TMEM178B: variants seen among roughly 807,000 people sequenced by gnomAD.
The protein encoded by TMEM178B is transmembrane protein 178B.
Under a neutral mutation model 31.0 loss-of-function variants are expected in TMEM178B, and 5 were observed. That is an observed-to-expected ratio of 0.16 (90% CI 0.08 to 0.34). The LOEUF (loss-of-function observed/expected upper bound fraction) is 0.34, where lower values mean the gene tolerates loss of function less well. Among genes scored for constraint, TMEM178B ranks in the 10% least tolerant of loss-of-function variants. TMEM178B has a pLI of 1.00. For missense variants in TMEM178B, 275 were observed against 400.3 expected (o/e 0.69, Z 2.67); for synonymous variants, 164 against 164.0 (o/e 1.00, Z 0.00).
At chr7:141,457,219 A>C (rs1801981138) in intron 3 of TMEM178B, among the ~76,000 whole-genome samples, 1 of 152,212 alleles carries the variant, frequency 6.6e-6, no homozygotes, top group Non-Finnish European at 1.5e-5. Context: ...TCTGCAGCCA[A>C]ATAATTTGAG....
chr7:141,359,667 T>G (rs760830578), intron 2 of TMEM178B, among the ~76,000 whole-genome samples: 1 of 152,180 alleles, frequency 6.6e-6, no homozygotes, highest in Non-Finnish European at 1.5e-5. Context: ...CAGTCCAGAA[T>G]TGGGGGCTGT....
intron 2 of TMEM178B, among the ~76,000 whole-genome samples, chr7:141,304,461 C>G (rs1183827099): frequency 6.6e-6 from 1 of 152,152 alleles, no homozygotes; most frequent in African/African-American, 2.4e-5. Flanking sequence ...GCAGACCTTC[C>G]CCAGGCAAGG....
intron 2 of TMEM178B, among the ~76,000 whole-genome samples, chr7:141,309,289 TA>T (rs1391354499): frequency 3.9e-5 from 6 of 152,218 alleles, no homozygotes; most frequent in Non-Finnish European, 8.8e-5. Flanking sequence ...AATTGCTTTA[TA>T]TATTGTCTCG....
chr7:141,292,634 C>CTTTTTTTTTTT (rs34248650), intron 2 of TMEM178B, among the ~76,000 whole-genome samples: 4 of 106,130 alleles, frequency 3.8e-5, no homozygotes, highest in Admixed American at 1.1e-4. Context: ...GCTTTTAGAT[C>CTTTTTTTTTTT]TTTTTTTTTT....
At chr7:141,097,671 T>C (rs1255776073) in intron 1 of TMEM178B, among the ~76,000 whole-genome samples, 1 of 152,080 alleles carries the variant, frequency 6.6e-6, no homozygotes, top group East Asian at 1.9e-4. Context: ...TTTGCAAACT[T>C]TCCCAAACCT....
intron 2 of TMEM178B, among the ~76,000 whole-genome samples, chr7:141,391,238 T>C (rs955158326): frequency 2.6e-5 from 4 of 152,110 alleles, no homozygotes; most frequent in African/African-American, 7.2e-5. Context: ...CGATCTCGGC[T>C]CACTGCAACT....
intron 2 of TMEM178B, among the ~76,000 whole-genome samples, chr7:141,295,245 G>A (rs553337277): frequency 6.6e-6 from 1 of 152,172 alleles, no homozygotes; most frequent in Non-Finnish European, 1.5e-5. Context: ...GAGGGAGATG[G>A]GGGTTGGAGG....
rs1802424033 is a variant in TMEM178B at position 141,478,993 on chromosome 7, C to T, written c.*8207C>T. 6.6e-6 allele frequency: 1 copy of T among 152,244 alleles called. No homozygotes were observed. The allele number at this position is 152,244 out of a possible 1,614,324, so 9.4% of individuals were successfully genotyped here. A position where few individuals can be genotyped will look rare whatever the true frequency, so the allele number is the denominator to read the frequency against. On this transcript the variant is annotated 3_prime_UTR_variant, in exon 4 of 4. Coordinates refer to ENST00000565468, the MANE Select transcript of TMEM178B (RefSeq NM_001195278.2). ...GCCTCTGGAAGTTCTGCTTCACCTG[C>T]TTAGTAAGAGGAGATGACCACTCCT...
Position 141,344,163 on chromosome 7 carries a change from A to T in TMEM178B, c.497-93445A>T, listed in dbSNP as rs1586903895. 6.6e-6 allele frequency among the ~76,000 whole-genome samples: 1 copy of T among 152,244 alleles called. No homozygotes were observed. The highest frequency in any genetic ancestry group is 2.4e-5 in the African/African-American group (1 of 41,460). On this transcript the variant is annotated intron_variant, in intron 2 of 3. Transcript: ENST00000565468. This position sits in a 1 kb window ranked among gnomAD's most constrained non-coding sequence, Gnocchi z 4.1. The stretch of plus-strand genomic sequence containing the variant: ...TTTTGCCATTACTTTTAAGGGTGAC[A>T]CAGCTTAATAATGGTTGTATCAACA...
chr7:141,376,322 G>T (rs1194182035), intron 2 of TMEM178B, among the ~76,000 whole-genome samples: 3 of 152,208 alleles, frequency 2.0e-5, no homozygotes, highest in African/African-American at 7.2e-5. Context: ...CACTGGGTAT[G>T]TACCTACTTG....
intron 1 of TMEM178B, among the ~76,000 whole-genome samples, chr7:141,088,991 A>G (rs1025266541): frequency 5.3e-5 from 8 of 152,242 alleles, no homozygotes; most frequent in Non-Finnish European, 7.3e-5. Flanking sequence ...ACTTTCATTC[A>G]TTCAACAAAT....
At chr7:141,287,262 G>T (rs1341059751) in intron 2 of TMEM178B, among the ~76,000 whole-genome samples, 1 of 152,146 alleles carries the variant, frequency 6.6e-6, no homozygotes, top group Non-Finnish European at 1.5e-5. Flanking sequence ...TTCAGCAAGT[G>T]AATAGAACTT....
At chr7:141,108,652 A>G (rs186967612) in intron 1 of TMEM178B, among the ~76,000 whole-genome samples, 118 of 152,260 alleles carry the variant, frequency 7.7e-4, no homozygotes, top group Non-Finnish European at 1.2e-3. Context: ...AAGTGGGTGG[A>G]CTTAGACTTC....
intron 2 of TMEM178B, among the ~76,000 whole-genome samples, chr7:141,309,387 A>G (rs117484847): frequency 2.2e-4 from 34 of 152,342 alleles, no homozygotes; most frequent in Middle Eastern, 3.4e-3. Context: ...CTCTCATTAC[A>G]AAAGTAATAC....
intron 1 of TMEM178B, among the ~76,000 whole-genome samples, chr7:141,130,540 C>T (rs1444191317): frequency 6.6e-6 from 1 of 152,146 alleles, no homozygotes; most frequent in Admixed American, 6.5e-5. Context: ...AGGAGCTATT[C>T]CATTATATGA....
At chr7:141,261,315 T>C (rs1037857183) in intron 2 of TMEM178B, among the ~76,000 whole-genome samples, 1 of 144,390 alleles carries the variant, frequency 6.9e-6, no homozygotes, top group Non-Finnish European at 1.5e-5. Flanking sequence ...CTTGTATAGG[T>C]TTTTTTTTTT....
intron 2 of TMEM178B, among the ~76,000 whole-genome samples, chr7:141,399,051 A>T (rs1388767098): frequency 1.3e-5 from 2 of 152,208 alleles, no homozygotes; most frequent in African/African-American, 4.8e-5. Context: ...CAGATTCAGC[A>T]CCTGTTTTCT....
intron 1 of TMEM178B, among the ~76,000 whole-genome samples, chr7:141,127,492 C>T (rs942575717): frequency 6.6e-6 from 1 of 152,144 alleles, no homozygotes; most frequent in African/African-American, 2.4e-5. Context: ...AGTACAGAGA[C>T]ACACAGAGGG....
chr7:141,315,100 C>A (rs1798978343), intron 2 of TMEM178B, among the ~76,000 whole-genome samples: 1 of 152,162 alleles, frequency 6.6e-6, no homozygotes, highest in African/African-American at 2.4e-5. Context: ...GTTGCCCAGG[C>A]CTGCATCATA....
Sources: allele counts gnomAD v4.1 joint callset (sites outside exome capture counted in the v4.1 genomes callset), GRCh38; gene constraint gnomAD v4.1.1; non-coding constraint Gnocchi (gnomAD v3.1); transcripts MANE v1.5; gene names NCBI Gene and HGNC (gene_info 2026-07-23, HGNC 2026-07-21).